The following SLC24A2 variants were observed in gnomAD, a reference collection of about 807,000 sequenced individuals.
SLC24A2 encodes the protein solute carrier family 24 member 2, also known as sodium/potassium/calcium exchanger 2.
A neutral mutation model predicts 62.0 loss-of-function variants in SLC24A2; 36 were observed. That is an observed-to-expected ratio of 0.58 (90% CI 0.44 to 0.77). The LOEUF (loss-of-function observed/expected upper bound fraction) is 0.77, where lower values mean the gene tolerates loss of function less well. SLC24A2 is among the 30% of genes least tolerant of loss of function. The pLI, the probability that SLC24A2 is intolerant of heterozygous loss-of-function variation, is 0.00. For synonymous variants in SLC24A2, 358 were observed against 294.0 expected, an observed-to-expected ratio of 1.22 and a Z score of -2.23; for missense variants, 846 against 817.9, an observed-to-expected ratio of 1.03 and a Z score of -0.42.
the SLC24A2 span, among the ~76,000 whole-genome samples, chr9:20,121,412 T>C: frequency 6.6e-6 from 1 of 152,114 alleles, no homozygotes; most frequent in South Asian, 2.1e-4. Flanking sequence ...GTCCAGGGGT[T>C]GGAAAACTTT....
the SLC24A2 span, among the ~76,000 whole-genome samples, chr9:19,919,015 A>G: frequency 1.3e-5 from 2 of 152,250 alleles, no homozygotes; most frequent in Non-Finnish European, 2.9e-5. Context: ...GAGAAAATTT[A>G]AATTAAATGA....
intron 2 of SLC24A2, among the ~76,000 whole-genome samples, chr9:19,642,287 C>A (rs998882525): frequency 1.3e-5 from 2 of 152,094 alleles, no homozygotes; most frequent in African/African-American, 4.8e-5. Flanking sequence ...AGGAAATACG[C>A]CAGCAGATCT....
At chr9:20,238,033 C>T in the SLC24A2 span, among the ~76,000 whole-genome samples, 1 of 152,152 alleles carries the variant, frequency 6.6e-6, no homozygotes, top group Non-Finnish European at 1.5e-5. Flanking sequence ...GACTTGGAGT[C>T]ATCTTGGCTT....
chr9:20,199,830 T>C, the SLC24A2 span, among the ~76,000 whole-genome samples: 5 of 151,546 alleles, frequency 3.3e-5, no homozygotes, highest in Non-Finnish European at 7.4e-5. Flanking sequence ...GTGATTCACG[T>C]GCCTCAGCCT....
chr9:20,163,085 C>G, the SLC24A2 span, among the ~76,000 whole-genome samples: 1 of 152,148 alleles, frequency 6.6e-6, no homozygotes, highest in Non-Finnish European at 1.5e-5. Context: ...CAGGGATACC[C>G]TCTCTCACAA....
At chr9:20,232,478 C>T in the SLC24A2 span, among the ~76,000 whole-genome samples, 1 of 152,124 alleles carries the variant, frequency 6.6e-6, no homozygotes, top group Non-Finnish European at 1.5e-5. Context: ...ATGTACGTGT[C>T]GAGGAATTTA....
the SLC24A2 span, among the ~76,000 whole-genome samples, chr9:19,895,569 C>T: frequency 4.6e-5 from 4 of 87,518 alleles, no homozygotes; most frequent in Admixed American, 5.3e-4. Flanking sequence ...TTTTTACAAA[C>T]AGTAAGAAAC....
chr9:20,007,109 C>G, the SLC24A2 span, among the ~76,000 whole-genome samples: 1 of 152,132 alleles, frequency 6.6e-6, no homozygotes, highest in Non-Finnish European at 1.5e-5. Context: ...AATCAGATGA[C>G]AGCTGATAAA....
chr9:19,760,675 G>A (rs1050324431), intron 2 of SLC24A2, among the ~76,000 whole-genome samples: 2 of 151,960 alleles, frequency 1.3e-5, no homozygotes, highest in African/African-American at 4.8e-5. Flanking sequence ...CGTCATCTAT[G>A]TCCCTGCAAA....
the SLC24A2 span, among the ~76,000 whole-genome samples, chr9:20,101,180 G>A: frequency 6.6e-6 from 1 of 152,218 alleles, no homozygotes; most frequent in Non-Finnish European, 1.5e-5. Context: ...TAAGGTCTCA[G>A]TGACTTCTCA....
chr9:20,059,792 G>C, the SLC24A2 span, among the ~76,000 whole-genome samples: 1 of 150,810 alleles, frequency 6.6e-6, no homozygotes, highest in Non-Finnish European at 1.5e-5. Flanking sequence ...GGGAAGGAAA[G>C]AATGAAAATT....
the SLC24A2 span, among the ~76,000 whole-genome samples, chr9:19,930,114 T>C: frequency 1.3e-5 from 2 of 152,204 alleles, no homozygotes; most frequent in African/African-American, 4.8e-5. Flanking sequence ...ACATTTAGTG[T>C]AGCCTAATTT....
intron 2 of SLC24A2, among the ~76,000 whole-genome samples, chr9:19,759,785 T>C (rs116684809): frequency 0.012 from 1,880 of 152,316 alleles, 44 homozygotes; most frequent in African/African-American, 0.043. Context: ...GACTTCTTTC[T>C]ATGTTTCCAC....
At chr9:19,870,257 T>A in the SLC24A2 span, among the ~76,000 whole-genome samples, 1 of 152,142 alleles carries the variant, frequency 6.6e-6, no homozygotes, top group South Asian at 2.1e-4. Flanking sequence ...TCTAGACATT[T>A]CATACAAATG....
chr9:20,243,105 G>A, the SLC24A2 span, among the ~76,000 whole-genome samples: 11 of 152,252 alleles, frequency 7.2e-5, no homozygotes, highest in East Asian at 1.9e-4. Context: ...GGTTACAGAC[G>A]AAAGGACTCC....
chr9:19,941,882 G>C, the SLC24A2 span, among the ~76,000 whole-genome samples: 1 of 151,972 alleles, frequency 6.6e-6, no homozygotes, highest in African/African-American at 2.4e-5. Flanking sequence ...AATCCCACAA[G>C]GGATACTTTG....
chr9:20,276,499 T>C, the SLC24A2 span, among the ~76,000 whole-genome samples: 1 of 152,200 alleles, frequency 6.6e-6, no homozygotes, highest in African/African-American at 2.4e-5. Context: ...TGGGCTGGCA[T>C]TGAGTGTCTG....
At chr9:19,884,009 T>C in the SLC24A2 span, among the ~76,000 whole-genome samples, 1 of 152,164 alleles carries the variant, frequency 6.6e-6, no homozygotes, top group Admixed American at 6.6e-5. Context: ...ACTGAAGTGA[T>C]CTCATCGAGT....
At chr9:19,716,231 C>G (rs1481654356) in intron 2 of SLC24A2, among the ~76,000 whole-genome samples, 1 of 152,138 alleles carries the variant, frequency 6.6e-6, no homozygotes, top group African/African-American at 2.4e-5. Flanking sequence ...ACACGCTCAC[C>G]CCTATTTAAC....
Sources: allele counts gnomAD v4.1 joint callset (sites outside exome capture counted in the v4.1 genomes callset), GRCh38; gene constraint gnomAD v4.1.1; transcripts MANE v1.5; gene names NCBI Gene and HGNC (gene_info 2026-07-23, HGNC 2026-07-21).